DLG5: variants seen among roughly 807,000 people sequenced by gnomAD.
The protein encoded by DLG5 is disks large homolog 5.
Under a neutral mutation model 189.8 loss-of-function variants are expected in DLG5, and 48 were observed. That is an observed-to-expected ratio of 0.25 (90% CI 0.20 to 0.32). DLG5 has a LOEUF of 0.32. Among genes scored for constraint, DLG5 ranks in the 10% least tolerant of loss-of-function variants. The probability of loss-of-function intolerance (pLI) is 1.00; values close to 1 mark genes in which losing one functional copy is unlikely to be tolerated. For synonymous variants in DLG5, 1,016 were observed against 1,054.1 expected, an observed-to-expected ratio of 0.96 and a Z score of 0.70; for missense variants, 2,160 against 2,544.7, an observed-to-expected ratio of 0.85 and a Z score of 3.25.
chr10:77,908,155 C>G (rs1846118233), intron 1 of DLG5, among the ~76,000 whole-genome samples: 1 of 152,166 alleles, frequency 6.6e-6, no homozygotes, highest in African/African-American at 2.4e-5. Flanking sequence ...CCCAAAGAGA[C>G]AGCCACAACA....
Position 77,816,660 on chromosome 10 carries a change from G to A in DLG5, c.3916C>T (p.Pro1306Ser). Residue 1306 changes from proline to serine, a missense_variant, in exon 20 of 32, where the codon CCC becomes TCC. Physicochemically the swap from Pro to Ser is moderately conservative, Grantham distance 74. Transcript: ENST00000372391. The stretch of plus-strand genomic sequence containing the variant: ...GAGGACAGGGTGTCGATGTTCAGGG[G>A]TGACTGTGGAGGAGTGCTGCATTCA... ...HSECSTPPQS[P>S]LNIDTLSSCS... 1 of 1,613,908 alleles carries A rather than the reference G, an allele frequency of 6.2e-7. No individual in the cohort carries two copies. Among genetic ancestry groups the A allele is most frequent in the East Asian group, 2.2e-5 (1 of 44,878 alleles).
At chr10:77,919,545 T>C (rs1235770482) in intron 1 of DLG5, among the ~76,000 whole-genome samples, 1 of 143,890 alleles carries the variant, frequency 6.9e-6, no homozygotes, top group African/African-American at 2.5e-5. Flanking sequence ...TCTGCCAAGG[T>C]CAAGATTTTG....
At chr10:77,911,004 A>C (rs894477908) in intron 1 of DLG5, among the ~76,000 whole-genome samples, 2 of 151,646 alleles carry the variant, frequency 1.3e-5, no homozygotes, top group East Asian at 1.9e-4. Context: ...AAAAAAAAAA[A>C]AAAAACATAA....
chr10:77,930,580 C>T (rs1846777635), upstream of DLG5, among the ~76,000 whole-genome samples: 1 of 151,784 alleles, frequency 6.6e-6, no homozygotes, highest in Non-Finnish European at 1.5e-5. Context: ...AACTCCTGAC[C>T]TCAGGTGATC....
intron 1 of DLG5, among the ~76,000 whole-genome samples, chr10:77,876,171 A>T (rs1016092105): frequency 1.4e-5 from 2 of 142,824 alleles, no homozygotes; most frequent in Admixed American, 7.0e-5. Context: ...TCACTGCGCT[A>T]AAAAAAAAAA....
At chr10:77,899,384 A>G (rs1027839408) in intron 1 of DLG5, among the ~76,000 whole-genome samples, 1 of 152,232 alleles carries the variant, frequency 6.6e-6, no homozygotes, top group Non-Finnish European at 1.5e-5. Context: ...GCGTGCCCTC[A>G]GGATTCCAAC....
chr10:77,811,904 C>T lies in DLG5; in HGVS notation c.4322+20G>A. The T allele has an allele frequency of 6.3e-7, 1 of 1,597,510 alleles. No homozygotes were observed. Among genetic ancestry groups the T allele is most frequent in the South Asian group, 1.1e-5 (1 of 90,624 alleles). On this transcript the variant is annotated intron_variant, in intron 22 of 31. Coordinates refer to ENST00000372391, the MANE Select transcript of DLG5 (RefSeq NM_004747.4). Reference sequence around the variant, plus strand: ...CCTCTCCACCCCCAGCCCAGACGGCCCTGGGAGGCCCGCACTCACCTGGAC... The same window carrying T: ...CCTCTCCACCCCCAGCCCAGACGGCTCTGGGAGGCCCGCACTCACCTGGAC...
intron 22 of DLG5, 99 bp from the exon 23 acceptor site, chr10:77,811,333 G>T: frequency 6.8e-7 from 1 of 1,462,320 alleles, no homozygotes. Context: ...ATGGGGACCA[G>T]GTCACATAGC....
chr10:77,805,971 C>A (rs181618464), intron 26 of DLG5, 110 bp from the exon 27 acceptor site: 24 of 1,086,134 alleles, frequency 2.2e-5, no homozygotes, highest in Admixed American at 6.8e-5. Context: ...GGGCTCCCCC[C>A]ACACTCCTTG....
At chr10:77,815,748 A>G (rs558891030) in intron 20 of DLG5, among the ~76,000 whole-genome samples, 1 of 152,254 alleles carries the variant, frequency 6.6e-6, no homozygotes, top group Non-Finnish European at 1.5e-5. Flanking sequence ...CTCAAATGAA[A>G]GAGAGTATCT....
the DLG5 span, among the ~76,000 whole-genome samples, chr10:77,940,542 A>C: frequency 6.6e-6 from 1 of 152,064 alleles, no homozygotes; most frequent in Non-Finnish European, 1.5e-5. Context: ...GTCACCTCTG[A>C]TCTCAGTTCA....
At chr10:77,823,640 C>T (rs1842477281) in intron 14 of DLG5, among the ~76,000 whole-genome samples, 1 of 151,710 alleles carries the variant, frequency 6.6e-6, no homozygotes, top group South Asian at 2.1e-4. Context: ...AAGCGATTCT[C>T]CTGCCTCAGT....
chr10:77,917,283 A>G (rs1017230186), intron 1 of DLG5, among the ~76,000 whole-genome samples: 1 of 152,080 alleles, frequency 6.6e-6, no homozygotes, highest in African/African-American at 2.4e-5. Flanking sequence ...CAGAGCTTGC[A>G]GTGAGCCGAG....
rs149815936 is a variant in DLG5 at position 77,859,729 on chromosome 10, T to A, written c.374-2837A>T. ...CATTTCTCAGAATGTGTCCCTGTCA[T>A]TAAGCAACACAGACTGTGTTTAAAA... On this transcript the variant is annotated intron_variant, in intron 2 of 31. Transcript: ENST00000372391. Among the ~76,000 whole-genome samples the A allele has an allele frequency of 2.0e-5, 3 of 152,340 alleles. No homozygotes were observed. In the East Asian group the frequency reaches 5.8e-4, roughly 29 times the overall value.
chr10:77,814,459 GTTTATATATATATATATATA>G, intron 20 of DLG5, among the ~76,000 whole-genome samples: 1 of 74,738 alleles, frequency 1.3e-5, no homozygotes, highest in South Asian at 4.8e-4. Context: ...AATAAAGCAT[GTTTATATATATATATATATA>G]TATATATATA....
intron 9 of DLG5, among the ~76,000 whole-genome samples, chr10:77,831,224 G>A (rs187161603): frequency 8.8e-4 from 134 of 152,186 alleles, no homozygotes; most frequent in African/African-American, 3.1e-3. Context: ...GACCGACATG[G>A]TGAAACCTCG....
chr10:77,887,343 A>T (rs543731646), intron 1 of DLG5, among the ~76,000 whole-genome samples: 1 of 152,288 alleles, frequency 6.6e-6, no homozygotes, highest in African/African-American at 2.4e-5. Context: ...CCCACTCAGC[A>T]GCTGCAGTCC....
chr10:77,905,348 T>C (rs146347084), intron 1 of DLG5, among the ~76,000 whole-genome samples: 27 of 152,242 alleles, frequency 1.8e-4, no homozygotes, highest in Middle Eastern at 3.4e-3. Flanking sequence ...ACACGTGGAA[T>C]GGAGTGGTTG....
At chr10:77,880,774 G>A (rs1221627980) in intron 1 of DLG5, among the ~76,000 whole-genome samples, 3 of 152,078 alleles carry the variant, frequency 2.0e-5, no homozygotes, top group Non-Finnish European at 4.4e-5. Context: ...CTTGTTGCAA[G>A]AAAGGCACTA....
Sources: gnomAD v4.1 joint callset for allele counts (sites outside exome capture counted in the v4.1 genomes callset) on GRCh38, gnomAD v4.1.1 for gene constraint, MANE v1.5 for transcripts, NCBI Gene and HGNC (gene_info 2026-07-23, HGNC 2026-07-21) for gene names.